THAP2: variants seen among roughly 807,000 people sequenced by gnomAD.
THAP2 encodes the protein THAP domain containing 2.
A neutral mutation model predicts 18.8 loss-of-function variants in THAP2; 16 were observed. The ratio of observed to expected loss-of-function variants is 0.85; its 90% CI spans 0.58 to 1.29. The LOEUF (loss-of-function observed/expected upper bound fraction) is 1.29, where lower values mean the gene tolerates loss of function less well. Among genes scored for constraint, THAP2 ranks in the 50% most tolerant of loss-of-function variants. The pLI, the probability that THAP2 is intolerant of heterozygous loss-of-function variation, is 0.00. For synonymous variants in THAP2, 80 were observed against 89.2 expected (o/e 0.90, Z 0.58); for missense variants, 251 against 265.3 (o/e 0.95, Z 0.38).
chr12:71,673,792 T>C (rs1881478661), intron 1 of THAP2, among the ~76,000 whole-genome samples: 1 of 152,160 alleles, frequency 6.6e-6, no homozygotes, highest in Non-Finnish European at 1.5e-5. Context: ...GCCTAGGCTT[T>C]CCTTGACAAA....
chr12:71,666,782 T>TG (rs1881350614), intron 1 of THAP2, among the ~76,000 whole-genome samples: 2 of 152,190 alleles, frequency 1.3e-5, no homozygotes, highest in South Asian at 4.1e-4. Flanking sequence ...TCACCCAGGC[T>TG]GGAGTGCAAT....
chr12:71,664,876 C>G, intron 1 of THAP2: 2 of 702,438 alleles, frequency 2.8e-6, no homozygotes, highest in East Asian at 5.4e-5. Context: ...TAGACCGGGC[C>G]TTGACATGAA....
chr12:71,664,681 T>C (rs1012049036), intron 1 of THAP2, 101 bp downstream of exon 1: 2 of 1,373,024 alleles, frequency 1.5e-6, no homozygotes, highest in African/African-American at 1.4e-5. Flanking sequence ...CTAATAACTT[T>C]CCCAGCTGGT....
At chr12:71,664,730 C>A in intron 1 of THAP2, 150 bp downstream of exon 1, 1 of 899,946 alleles carries the variant, frequency 1.1e-6, no homozygotes, top group Non-Finnish European at 1.8e-6. Flanking sequence ...TTTCTCAAAT[C>A]TGCCCAATTG....
chr12:71,670,181 A>G (rs1881411594), intron 1 of THAP2, among the ~76,000 whole-genome samples: 1 of 152,114 alleles, frequency 6.6e-6, no homozygotes, highest in Non-Finnish European at 1.5e-5. Flanking sequence ...ATATACCCAA[A>G]GCTGTTACCT....
At chr12:71,674,146 T>C in intron 1 of THAP2, 57 bp from the exon 2 acceptor site, 1 of 1,475,302 alleles carries the variant, frequency 6.8e-7, no homozygotes, top group Non-Finnish European at 9.0e-7. Context: ...TTTAATCATT[T>C]AGGTGCAGCC....
In THAP2 at chr12:71,670,216, G is replaced by A. The variant is rs982123693; in HGVS notation, c.72-3987G>A. Among the ~76,000 whole-genome samples, 6 of 152,104 alleles carry A rather than the reference G, an allele frequency of 3.9e-5. No individual in the cohort carries two copies. In the South Asian group the frequency reaches 1.0e-3, roughly 26 times the overall value. On this transcript the variant is annotated intron_variant, in intron 1 of 2. Transcript: ENST00000308086. ...TAATGAGGCTGCATTTGGGTCTTCTGAACCACATGATCTTCTAACTTGGAT... is the reference window on the plus strand; with the variant it reads ...TAATGAGGCTGCATTTGGGTCTTCTAAACCACATGATCTTCTAACTTGGAT...
intron 1 of THAP2, among the ~76,000 whole-genome samples, chr12:71,666,314 A>G (rs772040844): frequency 6.6e-6 from 1 of 152,134 alleles, no homozygotes; most frequent in Non-Finnish European, 1.5e-5. Context: ...GTTTGAGACC[A>G]GCCTAGGCAA....
chr12:71,674,722 C>A (rs1394344393), intron 2 of THAP2, among the ~76,000 whole-genome samples: 1 of 152,038 alleles, frequency 6.6e-6, no homozygotes, highest in Non-Finnish European at 1.5e-5. Context: ...AAATGACATA[C>A]AAATAACATG....
chr12:71,670,735 T>C (rs1374369309), intron 1 of THAP2, among the ~76,000 whole-genome samples: 1 of 151,958 alleles, frequency 6.6e-6, no homozygotes, highest in Non-Finnish European at 1.5e-5. Context: ...GGTCAGGAGT[T>C]CAAGACCAGC....
chr12:71,667,355 T>G (rs1881360972), intron 1 of THAP2, among the ~76,000 whole-genome samples: 1 of 152,234 alleles, frequency 6.6e-6, no homozygotes, highest in Non-Finnish European at 1.5e-5. Flanking sequence ...TGTTCTGTGG[T>G]CTCAGCATCT....
At chr12:71,665,775 G>A (rs1356711839) in intron 1 of THAP2, 1 of 152,206 alleles carries the variant, frequency 6.6e-6, no homozygotes, top group Non-Finnish European at 1.5e-5. Flanking sequence ...AGAAACCATG[G>A]AGGGTTTAAA....
intron 1 of THAP2, among the ~76,000 whole-genome samples, chr12:71,672,821 A>G (rs1359705522): frequency 6.6e-6 from 1 of 152,168 alleles, no homozygotes; most frequent in Middle Eastern, 3.2e-3. Context: ...TATGGGTATC[A>G]TGGTATTATT....
In THAP2 at chr12:71,676,942, A is replaced by T. The variant is rs1277343894; in HGVS notation, c.521A>T (p.Lys174Met). The T allele has an allele frequency of 1.2e-6, 2 of 1,613,818 alleles. No individual in the cohort carries two copies. Among genetic ancestry groups the T allele is most frequent in the Non-Finnish European group, 1.7e-6 (2 of 1,179,740 alleles). Reference sequence around the variant, plus strand: ...TGGATCAAAGCCACGTGTTTGGTAAAGAATTTAGAAGCAAATAGTGTATTA... The same window carrying T: ...TGGATCAAAGCCACGTGTTTGGTAATGAATTTAGAAGCAAATAGTGTATTA... ...RRWIKATCLV[K>M]NLEANSVLPK... The change falls in exon 3 of 3, where the codon AAG becomes ATG. Residue 174 changes from lysine (K) to methionine (M), a missense_variant. By Grantham distance (95) the Lys-to-Met change is moderately conservative. Transcript: ENST00000308086.
intron 1 of THAP2, among the ~76,000 whole-genome samples, chr12:71,668,300 T>C (rs763355444): frequency 3.5e-4 from 54 of 152,230 alleles, no homozygotes; most frequent in Non-Finnish European, 7.2e-4. Context: ...CCTGTACTTA[T>C]GCTTTTATAA....
intron 1 of THAP2, among the ~76,000 whole-genome samples, chr12:71,666,460 C>T (rs1195267221): frequency 6.6e-6 from 1 of 152,006 alleles, no homozygotes; most frequent in Admixed American, 6.6e-5. Flanking sequence ...CTGCACTGAG[C>T]CATAATCATG....
In THAP2 at chr12:71,679,534, G is replaced by A. The variant is rs2137584847; in HGVS notation, c.*2426G>A. 6.6e-6 allele frequency: 1 copy of A among 151,878 alleles called. No homozygotes were observed. Among genetic ancestry groups the A allele is most frequent in the East Asian group, 1.9e-4 (1 of 5,184 alleles). The allele number at this position is 151,878 out of a possible 1,614,324, so 9.4% of individuals were successfully genotyped here. On this transcript the variant is annotated 3_prime_UTR_variant, in exon 3 of 3. Transcript: ENST00000308086. ...CTCCCGGTCACAACACAGATCTTCTGTTCATTTGTTCTCTGTCTACTGGGC... is the reference window on the plus strand; with the variant it reads ...CTCCCGGTCACAACACAGATCTTCTATTCATTTGTTCTCTGTCTACTGGGC...
intron 1 of THAP2, among the ~76,000 whole-genome samples, chr12:71,669,745 C>T (rs1163284720): frequency 6.6e-6 from 1 of 151,834 alleles, no homozygotes; most frequent in African/African-American, 2.4e-5. Flanking sequence ...CACCTGAGGT[C>T]AAGAGTTCAA....
Position 71,680,404 on chromosome 12 carries a change from CTAAG to C in THAP2, c.*3299_*3302del, listed in dbSNP as rs1881582200. 6.6e-6 allele frequency: 1 copy of C among 152,580 alleles called. No individual in the cohort carries two copies. The highest frequency in any genetic ancestry group is 2.4e-5 in the African/African-American group (1 of 41,446). 9.5% of individuals were successfully genotyped at this position (152,580 alleles called of 1,614,324 possible). ...AGTCTTTGAGGTCACTTGATCTTCTCTAAGTAGACTTTATAATATTGTGTTTTAT... is the reference window on the plus strand; with the variant it reads ...AGTCTTTGAGGTCACTTGATCTTCTCTAGACTTTATAATATTGTGTTTTAT... On this transcript the variant is annotated 3_prime_UTR_variant, in exon 3 of 3. Transcript: ENST00000308086.
Sources: allele counts gnomAD v4.1 joint callset (sites outside exome capture counted in the v4.1 genomes callset), GRCh38; gene constraint gnomAD v4.1.1; transcripts MANE v1.5; gene names NCBI Gene and HGNC (gene_info 2026-07-23, HGNC 2026-07-21).